The following DNAH3 variants were observed in gnomAD, a reference collection of about 807,000 sequenced individuals.
DNAH3 encodes dynein axonemal heavy chain 3.
A neutral mutation model predicts 432.5 loss-of-function variants in DNAH3; 332 were observed. That is an observed-to-expected ratio of 0.77 (90% CI 0.70 to 0.84). The LOEUF (loss-of-function observed/expected upper bound fraction) is 0.84. DNAH3 is among the 40% of genes least tolerant of loss of function. DNAH3 has a pLI of 0.00. For missense variants in DNAH3, 4,861 were observed against 5,114.0 expected, an observed-to-expected ratio of 0.95 and a Z score of 1.51; for synonymous variants, 1,956 against 1,900.2, an observed-to-expected ratio of 1.03 and a Z score of -0.76.
rs558092853 is a variant in DNAH3, at chr16:21,145,411, G to C, written c.223-5C>G. On this transcript the variant is annotated splice_polypyrimidine_tract_variant and splice_region_variant and intron_variant, in intron 2 of 61. Transcript: ENST00000261383. ...AAAGCTGTGTGACATGACAGTCTAC[G>C]AGGTAAGAAGTGCAGAGTGAGACAC... 3.1e-5 allele frequency: 50 copies of C among 1,611,478 alleles called. No individual in the cohort carries two copies. In the South Asian group the frequency reaches 5.3e-4, roughly 17 times the overall value.
Position 20,970,614 on chromosome 16 carries a change from T to C in DNAH3, c.8260-624A>G, listed in dbSNP as rs554151071. Among the ~76,000 whole-genome samples the C allele has an allele frequency of 2.0e-4, 30 of 152,286 alleles. 1 individual carries two copies. Among genetic ancestry groups the C allele is most frequent in the African/African-American group, 7.0e-4 (29 of 41,564 alleles). ...TAAAAACATAATTTAAAATTGCCCC[T>C]GAGTCTTAGCATGAAAAGAGCAATC... On this transcript the variant is annotated intron_variant, in intron 51 of 61. Coordinates refer to ENST00000261383, the Ensembl canonical transcript of DNAH3.
intron 32 of DNAH3, among the ~76,000 whole-genome samples, chr16:21,041,477 T>G (rs1490141786): frequency 6.6e-6 from 1 of 152,116 alleles, no homozygotes; most frequent in African/African-American, 2.4e-5. Context: ...CTGACTCTTT[T>G]CTCTTCTCAG....
At chr16:21,127,755 C>G (rs1396198648) in exon 8 of DNAH3, 1 of 1,614,122 alleles carries the variant, frequency 6.2e-7, no homozygotes, top group Non-Finnish European at 8.5e-7. Flanking sequence ...CCTGAGGCTG[C>G]AGAGGCAATT....
intron 9 of DNAH3, 53 bp from the exon 11 acceptor site, chr16:21,122,177 C>T: frequency 6.8e-7 from 1 of 1,467,366 alleles, no homozygotes; most frequent in Non-Finnish European, 9.3e-7. Flanking sequence ...CTTCCAAAAT[C>T]AAGGGAGTGA....
At chr16:21,147,144 G>A (rs1429673315) in intron 1 of DNAH3, among the ~76,000 whole-genome samples, 2 of 151,934 alleles carry the variant, frequency 1.3e-5, no homozygotes, top group Non-Finnish European at 2.9e-5. Context: ...CCGTGGAAGA[G>A]CCCAAATTCT....
chr16:20,976,537 G>GA (rs1035377462), intron 50 of DNAH3, among the ~76,000 whole-genome samples: 3 of 152,112 alleles, frequency 2.0e-5, no homozygotes, highest in Admixed American at 6.5e-5. Flanking sequence ...AGGCTATGAA[G>GA]AAAAAAGACA....
intron 50 of DNAH3, among the ~76,000 whole-genome samples, chr16:20,976,205 TTTC>T (rs2085583102): frequency 6.6e-6 from 1 of 151,908 alleles, no homozygotes; most frequent in Non-Finnish European, 1.5e-5. Context: ...TAAAATATTT[TTTC>T]TTTTTTTGAG....
chr16:21,020,857 C>A (rs2088178642), intron 40 of DNAH3, among the ~76,000 whole-genome samples: 1 of 152,120 alleles, frequency 6.6e-6, no homozygotes, highest in South Asian at 2.1e-4. Flanking sequence ...TCTTGAAGAA[C>A]TGAAGCTCTT....
chr16:20,943,475 C>A (rs2083906479), intron 58 of DNAH3, among the ~76,000 whole-genome samples: 1 of 152,160 alleles, frequency 6.6e-6, no homozygotes, highest in Non-Finnish European at 1.5e-5. Context: ...CCTCCTGCTT[C>A]AGCCTCCCAA....
At chr16:20,963,435 T>C in exon 53 of DNAH3, 6 of 1,614,102 alleles carry the variant, frequency 3.7e-6, no homozygotes, top group Non-Finnish European at 5.1e-6. Flanking sequence ...CTGGCACCAT[T>C]TTGTCAGGCC....
exon 27 of DNAH3, chr16:21,058,102 G>T: frequency 1.2e-6 from 2 of 1,606,698 alleles, no homozygotes; most frequent in South Asian, 2.2e-5. Context: ...GGTATTTTCC[G>T]CCAGGGCTTG....
chr16:21,139,319 G>GTTTTTTT (rs2092686839), intron 5 of DNAH3, among the ~76,000 whole-genome samples: 11 of 32,764 alleles, frequency 3.4e-4, no homozygotes, highest in African/African-American at 1.3e-3. Flanking sequence ...CTTTCCTCAT[G>GTTTTTTT]CTTTTTTTTT....
At chr16:21,082,918 C>A (rs140448493) in intron 19 of DNAH3, among the ~76,000 whole-genome samples, 1 of 151,736 alleles carries the variant, frequency 6.6e-6, no homozygotes, top group East Asian at 1.9e-4. Context: ...GCAGTTTCTC[C>A]CTAAGATCAA....
At chr16:21,022,535 A>G (rs1035887196) in intron 39 of DNAH3, among the ~76,000 whole-genome samples, 5 of 152,184 alleles carry the variant, frequency 3.3e-5, no homozygotes, top group African/African-American at 1.2e-4. Flanking sequence ...AAGAGAGTAC[A>G]GAGCTAATTT....
chr16:20,947,576 A>G (rs1954737922), intron 57 of DNAH3, among the ~76,000 whole-genome samples: 1 of 152,084 alleles, frequency 6.6e-6, no homozygotes, highest in South Asian at 2.1e-4. Context: ...CACCAGGTAG[A>G]TGGTATTGGA....
intron 52 of DNAH3, 65 bp from the exon 53 acceptor site, chr16:20,965,490 G>A: frequency 7.4e-7 from 1 of 1,356,860 alleles, no homozygotes; most frequent in Non-Finnish European, 9.9e-7. Flanking sequence ...AAATTCTGCA[G>A]TGGTTACTGC....
At chr16:21,133,361 CAAAAA>C (rs34385925) in intron 7 of DNAH3, among the ~76,000 whole-genome samples, 8 of 70,200 alleles carry the variant, frequency 1.1e-4, no homozygotes, top group Non-Finnish European at 2.0e-4. Context: ...AGATTCGTCT[CAAAAA>C]AAAAAAAAAA....
At chr16:21,015,099 G>A (rs1013610273) in intron 41 of DNAH3, among the ~76,000 whole-genome samples, 3 of 152,162 alleles carry the variant, frequency 2.0e-5, no homozygotes, top group Admixed American at 6.5e-5. Context: ...GAAAAGTTAT[G>A]TTCACAAAAG....
intron 7 of DNAH3, among the ~76,000 whole-genome samples, chr16:21,128,239 T>C (rs569782071): frequency 1.3e-5 from 2 of 152,132 alleles, no homozygotes; most frequent in African/African-American, 4.8e-5. Flanking sequence ...AGCCTCTGGG[T>C]GAGCTCTTGA....
Sources: gnomAD v4.1 joint callset for allele counts (sites outside exome capture counted in the v4.1 genomes callset) on GRCh38, gnomAD v4.1.1 for gene constraint, MANE v1.5 for transcripts, NCBI Gene and HGNC (gene_info 2026-07-23, HGNC 2026-07-21) for gene names.